The following ATP11C variants were observed in gnomAD, a reference collection of about 807,000 sequenced individuals.
ATP11C encodes the protein phospholipid-transporting ATPase IG.
A neutral mutation model predicts 97.4 loss-of-function variants in ATP11C; 36 were observed. That is an observed-to-expected ratio of 0.37 (90% CI 0.28 to 0.49). The LOEUF (loss-of-function observed/expected upper bound fraction) is 0.49, where lower values mean the gene tolerates loss of function less well. Among genes scored for constraint, ATP11C ranks in the 20% least tolerant of loss-of-function variants. The pLI, the probability that ATP11C is intolerant of heterozygous loss-of-function variation, is 0.98. For missense variants in ATP11C, 730 were observed against 824.6 expected (o/e 0.89, Z 1.40); for synonymous variants, 275 against 290.9 (o/e 0.95, Z 0.56).
At chrX:139,798,433 G>T in intron 9 of ATP11C, 79 bp from the exon 10 acceptor site, 1 of 780,233 alleles carries the variant, frequency 1.3e-6, no homozygotes, top group Non-Finnish European at 1.9e-6. Flanking sequence ...GAATTTTTAA[G>T]TCTATAAAAG....
At chrX:139,743,648 T>C in intron 25 of ATP11C, 24 bp from the exon 26 acceptor site, 3 of 977,450 alleles carry the variant, frequency 3.1e-6, no homozygotes, top group Non-Finnish European at 4.3e-6. Flanking sequence ...AATAATTACA[T>C]GTACCATGTA....
chrX:139,901,734 T>A (rs1281152528), intron 1 of ATP11C, among the ~76,000 whole-genome samples: 1 of 111,745 alleles, frequency 8.9e-6, no homozygotes, highest in East Asian at 2.8e-4. Flanking sequence ...GCCCACAAAG[T>A]CCAACAATGA....
At chrX:139,810,889 C>T (rs1272782377) in intron 5 of ATP11C, among the ~76,000 whole-genome samples, 3 of 101,598 alleles carry the variant, frequency 3.0e-5, no homozygotes, top group Non-Finnish European at 5.9e-5. Flanking sequence ...TTTTTTCAGA[C>T]GCACTCACTG....
intron 1 of ATP11C, among the ~76,000 whole-genome samples, chrX:139,892,583 C>A (rs924732566): frequency 1.8e-5 from 2 of 111,637 alleles, no homozygotes; most frequent in African/African-American, 6.5e-5. Context: ...AATTGGGGTG[C>A]CAACCATTGT....
At chrX:139,871,072 A>G (rs1202419025) in intron 1 of ATP11C, among the ~76,000 whole-genome samples, 1 of 109,390 alleles carries the variant, frequency 9.1e-6, no homozygotes, top group African/African-American at 3.3e-5. Flanking sequence ...CAAAAAAAAA[A>G]AAAAAAAAAA....
At chrX:139,826,662 A>G in intron 2 of ATP11C, 42 bp downstream of exon 2, 1 of 1,121,141 alleles carries the variant, frequency 8.9e-7, no homozygotes, top group South Asian at 2.0e-5. Flanking sequence ...GCATTATCTG[A>G]TTCACTATAT....
intron 1 of ATP11C, among the ~76,000 whole-genome samples, chrX:139,918,873 T>C (rs1402978631): frequency 1.8e-5 from 2 of 110,950 alleles, no homozygotes; most frequent in African/African-American, 6.6e-5. Context: ...TTGCATACAA[T>C]GTGAATACAA....
upstream of ATP11C, among the ~76,000 whole-genome samples, chrX:139,935,737 G>C (rs999589663): frequency 1.8e-5 from 2 of 111,484 alleles, no homozygotes; most frequent in Admixed American, 1.9e-4. Context: ...TTTTATTCCA[G>C]GTATTTTTAT....
chrX:139,788,721 A>T (rs193267659), intron 13 of ATP11C, among the ~76,000 whole-genome samples: 1 of 111,966 alleles, frequency 8.9e-6, no homozygotes, highest in Admixed American at 9.5e-5. Flanking sequence ...GACTTTAATC[A>T]TTTGAACAGA....
At chrX:139,904,804 G>A (rs1251284167) in intron 1 of ATP11C, among the ~76,000 whole-genome samples, 1 of 111,482 alleles carries the variant, frequency 9.0e-6, no homozygotes, top group Non-Finnish European at 1.9e-5. Context: ...ACCGCACACA[G>A]TAGAAACAGA....
upstream of ATP11C, among the ~76,000 whole-genome samples, chrX:139,935,889 G>A (rs1457479634): frequency 9.0e-6 from 1 of 110,739 alleles, no homozygotes; most frequent in Non-Finnish European, 1.9e-5. Context: ...ACTCGGGATC[G>A]GGAGGCTGAG....
intron 18 of ATP11C, among the ~76,000 whole-genome samples, chrX:139,779,077 C>T (rs756015078): frequency 2.7e-5 from 3 of 111,413 alleles, no homozygotes; most frequent in Non-Finnish European, 5.6e-5. Flanking sequence ...TCAGAGTGCC[C>T]AGATTGATAA....
intron 23 of ATP11C, among the ~76,000 whole-genome samples, chrX:139,750,640 G>A (rs2081793394): frequency 9.0e-6 from 1 of 111,723 alleles, no homozygotes; most frequent in South Asian, 3.7e-4. Context: ...TTCCTGAGAA[G>A]TCCCACAGTT....
intron 1 of ATP11C, among the ~76,000 whole-genome samples, chrX:139,883,530 G>C (rs1254827260): frequency 9.0e-6 from 1 of 111,231 alleles, no homozygotes; most frequent in East Asian, 2.8e-4. Context: ...TAGAGAGCCA[G>C]ATCAAGCTCA....
chrX:139,880,520 G>T (rs2084544568), intron 1 of ATP11C, among the ~76,000 whole-genome samples: 1 of 111,554 alleles, frequency 9.0e-6, no homozygotes, highest in South Asian at 3.8e-4. Flanking sequence ...AGTTCTTGAT[G>T]TAATCAGGCA....
At chrX:139,787,306 T>C (rs769722303) in intron 14 of ATP11C, 62 bp from the exon 15 acceptor site, 1 of 988,521 alleles carries the variant, frequency 1.0e-6, no homozygotes, top group East Asian at 3.5e-5. Flanking sequence ...TTTTTATTAT[T>C]ATTTTTTTTG....
chrX:139,795,511 G>A (rs924988689), intron 12 of ATP11C, among the ~76,000 whole-genome samples: 5 of 111,382 alleles, frequency 4.5e-5, no homozygotes, highest in African/African-American at 1.6e-4. Flanking sequence ...CCACAGTCTT[G>A]ACATTCTAAA....
chrX:139,932,556 C>A lies in ATP11C; in HGVS notation c.-514G>T, dbSNP rs1453335744. 3 of 111,224 alleles carry A rather than the reference C, an allele frequency of 2.7e-5. No homozygotes were observed. The highest frequency in any genetic ancestry group is 9.3e-5 in the Admixed American group (1 of 10,722). 9.2% of individuals were successfully genotyped at this position (111,224 alleles called of 1,213,427 possible). A position where few individuals can be genotyped will look rare whatever the true frequency, so the allele number is the denominator to read the frequency against. On this transcript the variant is annotated 5_prime_UTR_variant, in exon 1 of 30. Transcript: ENST00000682941. ...GGGCACGGGGAACCCTCCCGAGGCACCCCGCGCCTCACCTCGCCTCAGCCC... is the reference window on the plus strand; with the variant it reads ...GGGCACGGGGAACCCTCCCGAGGCAACCCGCGCCTCACCTCGCCTCAGCCC...
intron 1 of ATP11C, among the ~76,000 whole-genome samples, chrX:139,837,817 AT>A (rs2083770744): frequency 8.9e-6 from 1 of 112,313 alleles, no homozygotes; most frequent in Non-Finnish European, 1.9e-5. Flanking sequence ...GTACTTGAGT[AT>A]TCTACAATGT....
Sources: gnomAD v4.1 joint callset for allele counts (sites outside exome capture counted in the v4.1 genomes callset) on GRCh38, gnomAD v4.1.1 for gene constraint, MANE v1.5 for transcripts, NCBI Gene and HGNC (gene_info 2026-07-23, HGNC 2026-07-21) for gene names.